Variants in GCC2 observed in about 807,000 individuals in gnomAD.
GCC2 encodes GRIP and coiled-coil domain-containing protein 2.
A neutral mutation model predicts 210.6 loss-of-function variants in GCC2; 120 were observed. The observed-to-expected ratio is 0.57, with a 90% confidence interval of 0.49 to 0.66. GCC2 has a LOEUF of 0.66. Among genes scored for constraint, GCC2 ranks in the 30% least tolerant of loss-of-function variants. The pLI, the probability that GCC2 is intolerant of heterozygous loss-of-function variation, is 0.00. For missense variants in GCC2, 1,868 were observed against 1,871.9 expected (o/e 1.00, Z 0.04); for synonymous variants, 703 against 652.7 (o/e 1.08, Z -1.17).
At chr2:108,501,082 G>T (rs139484737) in intron 22 of GCC2, among the ~76,000 whole-genome samples, 2,645 of 150,424 alleles carry the variant, frequency 0.018, 69 homozygotes, top group African/African-American at 0.056. Context: ...TGCAACCTCC[G>T]CCTCCCAGAT....
intron 22 of GCC2, among the ~76,000 whole-genome samples, chr2:108,501,610 T>C (rs1323395838): frequency 6.6e-6 from 1 of 152,042 alleles, no homozygotes; most frequent in African/African-American, 2.4e-5. Flanking sequence ...CTGTAAACCC[T>C]AATAACTAAA....
At chr2:108,476,759 G>A (rs1681550784) in intron 9 of GCC2, among the ~76,000 whole-genome samples, 1 of 152,088 alleles carries the variant, frequency 6.6e-6, no homozygotes, top group South Asian at 2.1e-4. Context: ...GGGCAGGTTG[G>A]AGGTCAACCA....
At chr2:108,491,886 G>T (rs1682421114) in intron 18 of GCC2, among the ~76,000 whole-genome samples, 1 of 151,904 alleles carries the variant, frequency 6.6e-6, no homozygotes, top group Non-Finnish European at 1.5e-5. Context: ...GTTTCAGGCT[G>T]AGTACATAAA....
At chr2:108,500,411 A>G (rs1188080255) in intron 22 of GCC2, among the ~76,000 whole-genome samples, 1 of 152,128 alleles carries the variant, frequency 6.6e-6, no homozygotes, top group Non-Finnish European at 1.5e-5. Context: ...TACTCAGGAG[A>G]TTGAGGCAGG....
At chr2:108,479,149 C>T (rs923465501) in intron 9 of GCC2, among the ~76,000 whole-genome samples, 2 of 151,560 alleles carry the variant, frequency 1.3e-5, no homozygotes, top group African/African-American at 4.9e-5. Flanking sequence ...AGCGACAGAG[C>T]GAGACAACGT....
chr2:108,451,189 A>G lies in GCC2; in HGVS notation c.148+77A>G, dbSNP rs893885161. On this transcript the variant is annotated intron_variant, in intron 3 of 22. Coordinates refer to ENST00000309863, the MANE Select transcript of GCC2 (RefSeq NM_181453.4). Reference sequence around the variant, plus strand: ...AAAATGGTAGTTTTTAAAATAATGCATTGGCTTGTTTTTGTTTGTTTTCCA... The same window carrying G: ...AAAATGGTAGTTTTTAAAATAATGCGTTGGCTTGTTTTTGTTTGTTTTCCA... 7 of 839,052 alleles carry G rather than the reference A, an allele frequency of 8.3e-6. No individual in the cohort carries two copies. The African/African-American group carries it at 1.0e-4, about 12-fold the overall frequency. The allele number at this position is 839,052 out of a possible 1,614,324, so 52.0% of individuals were successfully genotyped here. A position where few individuals can be genotyped will look rare whatever the true frequency, so the allele number is the denominator to read the frequency against.
At chr2:108,482,586 T>A in intron 11 of GCC2, 135 bp downstream of exon 11, 1 of 526,648 alleles carries the variant, frequency 1.9e-6, no homozygotes, top group Non-Finnish European at 3.4e-6. Flanking sequence ...ATACCAACCA[T>A]AAATTTGAGA....
intron 20 of GCC2, chr2:108,496,090 A>T (rs927860486): frequency 1.3e-5 from 2 of 152,134 alleles, no homozygotes; most frequent in African/African-American, 4.8e-5. Context: ...TCTTTTTTAA[A>T]ATAAAATGCT....
chr2:108,505,180 A>G (rs1274672168), intron 22 of GCC2, among the ~76,000 whole-genome samples: 1 of 152,244 alleles, frequency 6.6e-6, no homozygotes, highest in African/African-American at 2.4e-5. Context: ...AAAATCTTAT[A>G]TTCAGCTTAC....
At chr2:108,494,217 A>G (rs1682535030) in intron 19 of GCC2, 1 of 156,576 alleles carries the variant, frequency 6.4e-6, no homozygotes, top group Non-Finnish European at 1.4e-5. Flanking sequence ...TATTAAAAGT[A>G]CAAAAATTAT....
At chr2:108,475,933 CTA>C (rs1205452850) in intron 9 of GCC2, 83 bp downstream of exon 9, 9 of 696,794 alleles carry the variant, frequency 1.3e-5, no homozygotes, top group Middle Eastern at 3.7e-4. Flanking sequence ...AAATGTAAAA[CTA>C]TTGTCAACAA....
In GCC2 at chr2:108,470,020, C is replaced by G; in HGVS notation, c.691C>G (p.Gln231Glu). The change falls in exon 6 of 23, where the codon CAA becomes GAA. Residue 231 changes from glutamine to glutamate, a missense_variant. Gln to Glu is a conservative substitution (Grantham distance 29). This residue lies in a region of GCC2 where 1,847 missense variants were observed against 1,765.2 expected (regional missense o/e 1.05). Coordinates refer to ENST00000309863, the MANE Select transcript of GCC2 (RefSeq NM_181453.4). ...NIIEANSQHY[Q>E]KNINSLQEEL... Reference sequence around the variant, plus strand: ...CATTGAGGCTAATTCTCAGCATTACCAAAAAAATATTAATAGTTTGCAGGA... The same window carrying G: ...CATTGAGGCTAATTCTCAGCATTACGAAAAAAATATTAATAGTTTGCAGGA... The G allele has an allele frequency of 6.2e-7, 1 of 1,611,744 alleles. No homozygotes were observed. Among genetic ancestry groups the G allele is most frequent in the Non-Finnish European group, 8.5e-7 (1 of 1,179,210 alleles).
In GCC2 at chr2:108,471,401, A is replaced by T. The variant is rs759222318; in HGVS notation, c.2072A>T (p.Tyr691Phe). 1 of 1,606,970 alleles carries T rather than the reference A, an allele frequency of 6.2e-7. No homozygotes were observed. The highest frequency in any genetic ancestry group is 1.7e-5 in the Admixed American group (1 of 58,490). The change falls in exon 6 of 23, where the codon TAT becomes TTT. Residue 691 changes from tyrosine (Y) to phenylalanine (F), a missense_variant. Around this residue, in one of 3 missense-constraint regions of GCC2, gnomAD observed 1,847 missense variants for 1,765.2 expected, o/e 1.05. Transcript: ENST00000309863. The stretch of plus-strand genomic sequence containing the variant: ...TTGTCAGCTGAAGTGAAGTCTCTTT[A>T]TGAGGAAAACAATAAACTCAGTTCA... The part of the protein sequence containing the change: ...EVLSAEVKSL[Y>F]EENNKLSSEK...
rs1683294941 is a variant in GCC2, at chr2:108,508,101, C to CATTG, written c.*471_*472insATTG. 1 of 105,234 alleles carries CATTG rather than the reference C, an allele frequency of 9.5e-6. No individual in the cohort carries two copies. The allele number at this position is 105,234 out of a possible 1,614,324, so 6.5% of individuals were successfully genotyped here. A position where few individuals can be genotyped will look rare whatever the true frequency, so the allele number is the denominator to read the frequency against. On this transcript the variant is annotated 3_prime_UTR_variant, in exon 23 of 23. Transcript: ENST00000309863. ...ATTGCTTGAGGCTAGTGAGCTGTGA[C>CATTG]TCCCACTGCACTCCAGCTCGGGGAA...
chr2:108,450,664 C>T (rs1475879626), intron 2 of GCC2, among the ~76,000 whole-genome samples: 4 of 152,314 alleles, frequency 2.6e-5, no homozygotes, highest in African/African-American at 9.6e-5. Context: ...GGCAGATCAC[C>T]TGCGGTCAGG....
chr2:108,449,528 A>G, intron 1 of GCC2, 105 bp from the exon 2 acceptor site: 3 of 1,305,526 alleles, frequency 2.3e-6, no homozygotes, highest in Non-Finnish European at 3.3e-6. Flanking sequence ...GAGGCTTTCC[A>G]CCACTTGATT....
intron 4 of GCC2, among the ~76,000 whole-genome samples, chr2:108,460,497 C>G (rs1680514043): frequency 6.6e-6 from 1 of 152,036 alleles, no homozygotes; most frequent in South Asian, 2.1e-4. Context: ...TGAGTCCTTT[C>G]TCTTCCTTAT....
At chr2:108,504,640 T>C (rs1400769207) in intron 22 of GCC2, among the ~76,000 whole-genome samples, 8 of 152,190 alleles carry the variant, frequency 5.3e-5, no homozygotes, top group Admixed American at 4.6e-4. Context: ...GTGTTTCATT[T>C]CTATTTCAGG....
At chr2:108,492,893 C>T in intron 19 of GCC2, 103 bp downstream of exon 19, 1 of 819,854 alleles carries the variant, frequency 1.2e-6, no homozygotes. Context: ...TACTAGGTGT[C>T]ACCAGTGTCA....
Sources: gnomAD v4.1 joint callset for allele counts (sites outside exome capture counted in the v4.1 genomes callset) on GRCh38, gnomAD v4.1.1 for gene constraint, gnomAD v4.1.1 regional missense constraint, MANE v1.5 for transcripts, NCBI Gene and HGNC (gene_info 2026-07-23, HGNC 2026-07-21) for gene names.